The following KCNN2 variants were observed in gnomAD, a reference collection of about 807,000 sequenced individuals.
KCNN2 encodes potassium calcium-activated channel subfamily N member 2.
Under a neutral mutation model 55.5 loss-of-function variants are expected in KCNN2, and 24 were observed. The observed-to-expected ratio is 0.43, with a 90% CI of 0.31 to 0.61. The LOEUF (loss-of-function observed/expected upper bound fraction) is 0.61, where lower values mean the gene tolerates loss of function less well. Among genes scored for constraint, KCNN2 ranks in the 20% least tolerant of loss-of-function variants. The pLI is 0.08. For synonymous variants in KCNN2, 431 were observed against 336.1 expected, an observed-to-expected ratio of 1.28 and a Z score of -3.09; for missense variants, 754 against 853.6, an observed-to-expected ratio of 0.88 and a Z score of 1.45.
intron 2 of KCNN2, among the ~76,000 whole-genome samples, chr5:114,283,544 A>G (rs763293181): frequency 1.8e-4 from 28 of 152,064 alleles, no homozygotes; most frequent in Non-Finnish European, 3.5e-4. Flanking sequence ...TCTATTGACA[A>G]TTGTTGGTAC....
chr5:114,187,876 G>A (rs1300232374), intron 1 of KCNN2, among the ~76,000 whole-genome samples: 16 of 149,394 alleles, frequency 1.1e-4, no homozygotes, highest in African/African-American at 3.5e-4. Flanking sequence ...GTGCAGTGGC[G>A]CAATCTCGGC....
At chr5:114,453,157 A>G (rs1296897417) in intron 3 of KCNN2, among the ~76,000 whole-genome samples, 1 of 152,168 alleles carries the variant, frequency 6.6e-6, no homozygotes, top group East Asian at 1.9e-4. Context: ...GTACCCTCAC[A>G]CTGAGGGAGT....
At chr5:114,383,464 CT>C (rs66787954) in intron 2 of KCNN2, among the ~76,000 whole-genome samples, 14,309 of 98,804 alleles carry the variant, frequency 0.14, 323 homozygotes, top group East Asian at 0.28. Flanking sequence ...CCACTAAATG[CT>C]TTTTTTTTTT....
chr5:114,233,142 G>A (rs1580644084), intron 2 of KCNN2, among the ~76,000 whole-genome samples: 1 of 149,758 alleles, frequency 6.7e-6, no homozygotes, highest in Admixed American at 6.6e-5. Context: ...GGATGGTCTC[G>A]ATCTCCTGAC....
intron 2 of KCNN2, among the ~76,000 whole-genome samples, chr5:114,402,161 T>C (rs1298805861): frequency 6.6e-6 from 1 of 151,994 alleles, no homozygotes; most frequent in African/African-American, 2.4e-5. Flanking sequence ...TGGCAGCAGA[T>C]GGAAAAAGCA....
chr5:114,379,511 TATA>T (rs1561596380), intron 2 of KCNN2, among the ~76,000 whole-genome samples: 14 of 119,926 alleles, frequency 1.2e-4, no homozygotes, highest in East Asian at 6.2e-4. Context: ...ATTATATATT[TATA>T]GAATATATTA....
intron 2 of KCNN2, among the ~76,000 whole-genome samples, chr5:114,252,156 G>A (rs771164510): frequency 7.5e-4 from 114 of 152,206 alleles, no homozygotes; most frequent in Non-Finnish European, 1.4e-3. Flanking sequence ...GGGATTACAG[G>A]CATGAGCTAC....
chr5:114,310,549 C>T (rs2150025743), intron 2 of KCNN2, among the ~76,000 whole-genome samples: 1 of 152,242 alleles, frequency 6.6e-6, no homozygotes, highest in East Asian at 1.9e-4. Context: ...GGGGACTGTG[C>T]AGGATCCCCA....
Position 114,411,066 on chromosome 5 carries a change from G to T in KCNN2, c.1637+6210G>T, listed in dbSNP as rs192880975. On this transcript the variant is annotated intron_variant, in intron 3 of 7. Transcript: ENST00000673685. ...AAACTGATAGATGAAAATAAATTAGGTATTTATTCTCAAATTAGCATAGAG... is the reference window on the plus strand; with the variant it reads ...AAACTGATAGATGAAAATAAATTAGTTATTTATTCTCAAATTAGCATAGAG... Among the ~76,000 whole-genome samples the T allele has an allele frequency of 2.6e-5, 4 of 152,126 alleles. No individual in the cohort carries two copies. The East Asian group carries it at 7.7e-4, about 29-fold the overall frequency.
At chr5:114,414,834 A>AT (rs559404601) in intron 3 of KCNN2, among the ~76,000 whole-genome samples, 73 of 152,316 alleles carry the variant, frequency 4.8e-4, no homozygotes, top group African/African-American at 1.6e-3. Context: ...TTGAGGTATA[A>AT]TTTACGCACC....
At chr5:114,290,384 T>C (rs1002117156) in intron 2 of KCNN2, among the ~76,000 whole-genome samples, 3 of 152,138 alleles carry the variant, frequency 2.0e-5, no homozygotes, top group Non-Finnish European at 4.4e-5. Context: ...TTTGTTGGCA[T>C]ATAATTACTT....
intron 1 of KCNN2, among the ~76,000 whole-genome samples, chr5:114,137,288 C>T (rs969617281): frequency 6.6e-6 from 1 of 152,054 alleles, no homozygotes; most frequent in African/African-American, 2.4e-5. Context: ...AACCCATTCC[C>T]ATCCTTAAAT....
At chr5:114,316,351 C>T (rs1756502796) in intron 2 of KCNN2, among the ~76,000 whole-genome samples, 1 of 152,154 alleles carries the variant, frequency 6.6e-6, no homozygotes, top group East Asian at 1.9e-4. Flanking sequence ...CCCCTCCTGG[C>T]CCCTGAGCTT....
At chr5:114,431,405 C>T (rs987937212) in intron 3 of KCNN2, among the ~76,000 whole-genome samples, 1 of 151,944 alleles carries the variant, frequency 6.6e-6, no homozygotes, top group Non-Finnish European at 1.5e-5. Context: ...CTTTGCTATC[C>T]TTTAAACCTT....
At chr5:114,331,174 T>C (rs1721072762) in intron 2 of KCNN2, among the ~76,000 whole-genome samples, 1 of 151,962 alleles carries the variant, frequency 6.6e-6, no homozygotes, top group Admixed American at 6.6e-5. Context: ...TTTTGAGTCA[T>C]AGATAAGAAC....
intron 1 of KCNN2, among the ~76,000 whole-genome samples, chr5:114,139,204 A>T (rs2974469): frequency 0.14 from 21,639 of 152,100 alleles, 2,112 homozygotes; most frequent in African/African-American, 0.28. Flanking sequence ...GAATACATCT[A>T]AAAGTATTTT....
At chr5:114,281,639 G>A (rs1755626100) in intron 2 of KCNN2, among the ~76,000 whole-genome samples, 1 of 152,012 alleles carries the variant, frequency 6.6e-6, no homozygotes, top group Non-Finnish European at 1.5e-5. Context: ...GTGTGTGTGT[G>A]TGTGTGTGTT....
intron 1 of KCNN2, among the ~76,000 whole-genome samples, chr5:114,163,544 A>G (rs1752842263): frequency 6.6e-6 from 1 of 152,218 alleles, no homozygotes; most frequent in Non-Finnish European, 1.5e-5. Flanking sequence ...TATTGAGATC[A>G]TCATGTGGTT....
intron 2 of KCNN2, among the ~76,000 whole-genome samples, chr5:114,305,487 A>T (rs540011693): frequency 1.2e-4 from 19 of 152,268 alleles, no homozygotes; most frequent in African/African-American, 4.6e-4. Flanking sequence ...GGATGGGTCA[A>T]GGGAGTCAGG....
Sources: gnomAD v4.1 joint callset for allele counts (sites outside exome capture counted in the v4.1 genomes callset) on GRCh38, gnomAD v4.1.1 for gene constraint, MANE v1.5 for transcripts, NCBI Gene and HGNC (gene_info 2026-07-23, HGNC 2026-07-21) for gene names.